The following JADE2 variants were observed in gnomAD, a reference collection of about 807,000 sequenced individuals.
JADE2 encodes the protein jade family PHD finger 2, also known as E3 ubiquitin-protein ligase Jade-2.
A neutral mutation model predicts 85.7 loss-of-function variants in JADE2; 13 were observed. The ratio of observed to expected loss-of-function variants is 0.15; its 90% CI spans 0.10 to 0.24. The LOEUF (loss-of-function observed/expected upper bound fraction) is 0.24, where lower values mean the gene tolerates loss of function less well. JADE2 is among the 10% of genes least tolerant of loss of function. The probability of loss-of-function intolerance (pLI) is 1.00; values close to 1 mark genes in which losing one functional copy is unlikely to be tolerated. For synonymous variants in JADE2, 440 were observed against 456.1 expected (o/e 0.96, Z 0.45); for missense variants, 846 against 1,115.9 (o/e 0.76, Z 3.45).
rs1217075404 is a variant in JADE2, at chr5:134,580,570, C to T, written c.*1253C>T. On this transcript the variant is annotated 3_prime_UTR_variant, in exon 12 of 12. Coordinates refer to ENST00000681547, the MANE Select transcript of JADE2 (RefSeq NM_001388185.1). The stretch of plus-strand genomic sequence containing the variant: ...CAACAAAAAAGGAATTCCGTGAAAA[C>T]ATTTTTTTTTCTTTGATGAATTACT... The T allele has an allele frequency of 6.6e-6, 1 of 151,340 alleles. No homozygotes were observed. Among genetic ancestry groups the T allele is most frequent in the East Asian group, 1.9e-4 (1 of 5,170 alleles). The allele number at this position is 151,340 out of a possible 1,614,324, so 9.4% of individuals were successfully genotyped here. A position where few individuals can be genotyped will look rare whatever the true frequency, so the allele number is the denominator to read the frequency against.
chr5:134,526,883 G>C (rs977456428), intron 1 of JADE2: 1 of 605,490 alleles, frequency 1.7e-6, no homozygotes, highest in South Asian at 7.2e-5. Context: ...AAATGTACCG[G>C]CGGCGGCCGG....
chr5:134,549,325 A>G (rs1762470289), intron 3 of JADE2, among the ~76,000 whole-genome samples: 1 of 152,148 alleles, frequency 6.6e-6, no homozygotes, highest in African/African-American at 2.4e-5. Context: ...AGAGTTCAAG[A>G]CCAACCTGGC....
At chr5:134,554,007 C>T (rs1180936523) in intron 4 of JADE2, among the ~76,000 whole-genome samples, 5 of 152,156 alleles carry the variant, frequency 3.3e-5, no homozygotes, top group Admixed American at 3.3e-4. Context: ...TCTGCCTGGT[C>T]TGGGCAGCTT....
At chr5:134,552,314 A>G in intron 4 of JADE2, 105 bp downstream of exon 4, 6 of 977,936 alleles carry the variant, frequency 6.1e-6, no homozygotes, top group East Asian at 2.6e-5. Flanking sequence ...TTTCTAGTCC[A>G]TCTCTATTCT....
At chr5:134,539,853 G>T (rs1761864164) in intron 3 of JADE2, among the ~76,000 whole-genome samples, 2 of 152,180 alleles carry the variant, frequency 1.3e-5, no homozygotes, top group African/African-American at 4.8e-5. Context: ...ATCTGAAAAA[G>T]GACTCCGCCT....
At chr5:134,556,498 G>C (rs1762932038) in intron 4 of JADE2, among the ~76,000 whole-genome samples, 1 of 79,590 alleles carries the variant, frequency 1.3e-5, no homozygotes. Context: ...CATACCACAT[G>C]CACACACACA....
At chr5:134,540,148 A>G (rs1386318965) in intron 3 of JADE2, among the ~76,000 whole-genome samples, 1 of 151,768 alleles carries the variant, frequency 6.6e-6, no homozygotes, top group Non-Finnish European at 1.5e-5. Flanking sequence ...AGGAAGCAAA[A>G]GGCAGGTGGG....
intron 3 of JADE2, among the ~76,000 whole-genome samples, chr5:134,549,269 A>G (rs1313271156): frequency 1.3e-5 from 2 of 152,148 alleles, no homozygotes; most frequent in Non-Finnish European, 2.9e-5. Context: ...CACGCCTGTA[A>G]TCCCAACACT....
intron 5 of JADE2, 55 bp downstream of exon 5, chr5:134,560,045 C>A (rs1763234152): frequency 3.1e-6 from 5 of 1,598,912 alleles, no homozygotes; most frequent in Admixed American, 1.7e-5. Flanking sequence ...AGGGTTTTCT[C>A]CCCATCCCGA....
At position 134,525,786 on chromosome 5, in the gene JADE2, C is replaced by T; in HGVS notation, c.-226C>T. 8.8e-7 allele frequency: 1 copy of T among 1,135,070 alleles called. No homozygotes were observed. Among genetic ancestry groups the T allele is most frequent in the Non-Finnish European group, 1.1e-6 (1 of 916,478 alleles). 70.3% of individuals were successfully genotyped at this position (1,135,070 alleles called of 1,614,324 possible). A position where few individuals can be genotyped will look rare whatever the true frequency, so the allele number is the denominator to read the frequency against. The stretch of plus-strand genomic sequence containing the variant: ...GTTACTTTGCGCCCACTCCTAGCGG[C>T]ACCGGCTTAGGTCCTGCGGGCCGAC... On this transcript the variant is annotated 5_prime_UTR_variant, in exon 1 of 12. Transcript: ENST00000681547.
intron 2 of JADE2, among the ~76,000 whole-genome samples, chr5:134,536,288 G>A (rs905137338): frequency 7.2e-5 from 11 of 152,080 alleles, no homozygotes; most frequent in East Asian, 1.9e-4. Context: ...CATAATTACC[G>A]GATAAGTACC....
chr5:134,571,645 C>G (rs1296128029), intron 9 of JADE2, among the ~76,000 whole-genome samples: 1 of 152,188 alleles, frequency 6.6e-6, no homozygotes, highest in Non-Finnish European at 1.5e-5. Context: ...TGCAGTGAGC[C>G]AAGACTGTGC....
intron 3 of JADE2, among the ~76,000 whole-genome samples, chr5:134,545,011 T>C (rs2149907941): frequency 6.6e-6 from 1 of 152,356 alleles, no homozygotes; most frequent in Admixed American, 6.5e-5. Context: ...TGCCATTTTA[T>C]AGTAGAACAA....
chr5:134,572,097 T>G (rs1268489896), intron 9 of JADE2, among the ~76,000 whole-genome samples: 6 of 152,136 alleles, frequency 3.9e-5, no homozygotes, highest in Admixed American at 3.9e-4. Flanking sequence ...CTTAAGGGTG[T>G]GGGGGAAGGA....
intron 1 of JADE2, among the ~76,000 whole-genome samples, chr5:134,531,503 CT>C (rs1761232088): frequency 2.0e-5 from 3 of 152,024 alleles, no homozygotes; most frequent in African/African-American, 7.3e-5. Flanking sequence ...CCTTGAACTC[CT>C]GGGCCCAAGT....
At chr5:134,527,233 A>C (rs1581380819) in intron 1 of JADE2, among the ~76,000 whole-genome samples, 2 of 105,760 alleles carry the variant, frequency 1.9e-5, no homozygotes, top group African/African-American at 3.7e-5. Context: ...CTTCCCACCC[A>C]CTCGCCTGCG....
At chr5:134,526,929 G>C (rs1760873572) in intron 1 of JADE2, among the ~76,000 whole-genome samples, 2 of 152,184 alleles carry the variant, frequency 1.3e-5, no homozygotes, top group East Asian at 1.9e-4. Context: ...GACGGCAGGG[G>C]GCGTGGCCCT....
chr5:134,549,555 G>A (rs1276012075), intron 3 of JADE2, among the ~76,000 whole-genome samples: 2 of 152,064 alleles, frequency 1.3e-5, no homozygotes, highest in Non-Finnish European at 2.9e-5. Flanking sequence ...TACTTGGGAG[G>A]CTGAGGCAGA....
At chr5:134,556,269 G>A (rs1317933088) in intron 4 of JADE2, among the ~76,000 whole-genome samples, 3 of 152,230 alleles carry the variant, frequency 2.0e-5, no homozygotes, top group Non-Finnish European at 2.9e-5. Flanking sequence ...GCAACCAGCG[G>A]GGGGTGGGAA....
Sources: gnomAD v4.1 joint callset for allele counts (sites outside exome capture counted in the v4.1 genomes callset) on GRCh38, gnomAD v4.1.1 for gene constraint, MANE v1.5 for transcripts, NCBI Gene and HGNC (gene_info 2026-07-23, HGNC 2026-07-21) for gene names.